SAMD5: variants seen among roughly 807,000 people sequenced by gnomAD.
SAMD5 encodes the protein sterile alpha motif domain containing 5.
In SAMD5, 13 loss-of-function variants were observed where a neutral mutation model predicts 11.3. That is an observed-to-expected ratio of 1.15 (90% confidence interval 0.75 to 1.83). The LOEUF is 1.83. Among genes scored for constraint, SAMD5 ranks in the 40% most tolerant of loss-of-function variants. The pLI is 0.00. For synonymous variants in SAMD5, 129 were observed against 111.3 expected (o/e 1.16, Z -1.00); for missense variants, 255 against 239.1 (o/e 1.07, Z -0.44).
At chr6:147,892,153 T>C in the SAMD5 span, among the ~76,000 whole-genome samples, 1 of 152,190 alleles carries the variant, frequency 6.6e-6, no homozygotes, top group African/African-American at 2.4e-5. Flanking sequence ...TCTTGCCTCC[T>C]TGTTTCCTTC....
At chr6:147,728,310 C>T (rs555680144) in intron 1 of SAMD5, among the ~76,000 whole-genome samples, 3 of 152,204 alleles carry the variant, frequency 2.0e-5, no homozygotes, top group East Asian at 1.9e-4. Flanking sequence ...CCCAGCTCTT[C>T]GGGAGGCTGA....
intron 1 of SAMD5, among the ~76,000 whole-genome samples, chr6:147,689,403 A>G (rs772252684): frequency 2.0e-5 from 3 of 149,694 alleles, no homozygotes; most frequent in Non-Finnish European, 3.0e-5. Context: ...ACCTTGGAAA[A>G]TCTAATGAAT....
chr6:147,761,896 A>G, the SAMD5 span, among the ~76,000 whole-genome samples: 1 of 151,994 alleles, frequency 6.6e-6, no homozygotes, highest in Non-Finnish European at 1.5e-5. Context: ...TATTTTTTGT[A>G]GAGATGGGGT....
the SAMD5 span, among the ~76,000 whole-genome samples, chr6:147,828,078 G>A: frequency 4.6e-5 from 7 of 152,008 alleles, no homozygotes; most frequent in Admixed American, 1.3e-4. Flanking sequence ...GAGCCACCGC[G>A]CCAGGCCCAA....
At chr6:147,693,139 T>TGAGAGC (rs1229798650) in intron 1 of SAMD5, among the ~76,000 whole-genome samples, 78 of 152,278 alleles carry the variant, frequency 5.1e-4, no homozygotes, top group African/African-American at 1.9e-3. Context: ...TCTGCCCCTA[T>TGAGAGC]GAGAGCACGA....
chr6:147,903,934 G>T, the SAMD5 span, among the ~76,000 whole-genome samples: 1 of 151,590 alleles, frequency 6.6e-6, no homozygotes, highest in Admixed American at 6.6e-5. Flanking sequence ...AATCTTCTAA[G>T]ATCACTTAAT....
chr6:147,690,218 G>C (rs1044408429), intron 1 of SAMD5, among the ~76,000 whole-genome samples: 2 of 152,126 alleles, frequency 1.3e-5, no homozygotes, highest in African/African-American at 4.8e-5. Flanking sequence ...ATACAAACCA[G>C]TAACTATATT....
intron 1 of SAMD5, among the ~76,000 whole-genome samples, chr6:147,716,633 G>T (rs1270089480): frequency 6.6e-6 from 1 of 152,200 alleles, no homozygotes; most frequent in Non-Finnish European, 1.5e-5. Context: ...TCCGGCTCCT[G>T]TCGGCTCTGT....
chr6:147,754,857 A>C, the SAMD5 span, among the ~76,000 whole-genome samples: 1 of 152,034 alleles, frequency 6.6e-6, no homozygotes, highest in East Asian at 1.9e-4. Flanking sequence ...CTTTATAAAA[A>C]ATGAGTTTAC....
At chr6:147,908,370 G>C in the SAMD5 span, among the ~76,000 whole-genome samples, 1 of 152,136 alleles carries the variant, frequency 6.6e-6, no homozygotes, top group Non-Finnish European at 1.5e-5. Flanking sequence ...AGGGCCTGTG[G>C]ACATCTCATG....
chr6:147,653,590 A>G (rs1191744099), intron 1 of SAMD5, among the ~76,000 whole-genome samples: 2 of 152,344 alleles, frequency 1.3e-5, no homozygotes, highest in Middle Eastern at 3.4e-3. Context: ...AATGGATTCT[A>G]TGGAATTATT....
At chr6:147,915,885 A>G in the SAMD5 span, among the ~76,000 whole-genome samples, 2 of 149,080 alleles carry the variant, frequency 1.3e-5, no homozygotes, top group Non-Finnish European at 3.0e-5. Context: ...ATATCTCCTA[A>G]TGCTATCCCT....
At chr6:147,872,659 T>C in the SAMD5 span, among the ~76,000 whole-genome samples, 1 of 152,188 alleles carries the variant, frequency 6.6e-6, no homozygotes. Flanking sequence ...TGAGTATTCA[T>C]GGGGACTGAC....
At chr6:147,694,325 T>A (rs947876044) in intron 1 of SAMD5, among the ~76,000 whole-genome samples, 2 of 152,312 alleles carry the variant, frequency 1.3e-5, no homozygotes, top group East Asian at 3.9e-4. Context: ...ACAAAAATCT[T>A]TCAAGTGATT....
intron 1 of SAMD5, among the ~76,000 whole-genome samples, chr6:147,655,436 T>C (rs189443887): frequency 1.2e-3 from 187 of 152,318 alleles, no homozygotes; most frequent in African/African-American, 4.0e-3. Flanking sequence ...TTTATGCATG[T>C]ATATCCACGT....
At chr6:147,671,715 G>C (rs901935107) in intron 1 of SAMD5, among the ~76,000 whole-genome samples, 3 of 151,892 alleles carry the variant, frequency 2.0e-5, no homozygotes, top group Non-Finnish European at 4.4e-5. Flanking sequence ...AAAAATTTTG[G>C]ATCTTTTTAT....
chr6:147,907,264 T>C, the SAMD5 span, among the ~76,000 whole-genome samples: 1 of 152,196 alleles, frequency 6.6e-6, no homozygotes, highest in South Asian at 2.1e-4. Context: ...CCCAGCACTT[T>C]GGGAGGCATA....
At chr6:147,726,148 T>C (rs762741320) in intron 1 of SAMD5, among the ~76,000 whole-genome samples, 13 of 152,208 alleles carry the variant, frequency 8.5e-5, no homozygotes, top group Admixed American at 5.2e-4. Context: ...AAAGAGAATT[T>C]GGTTTCTGCT....
intron 1 of SAMD5, among the ~76,000 whole-genome samples, chr6:147,549,841 C>A (rs1392317425): frequency 2.6e-5 from 4 of 151,856 alleles, no homozygotes; most frequent in Non-Finnish European, 5.9e-5. Flanking sequence ...TAGTAACTTG[C>A]AGAACACAAA....
Sources: gnomAD v4.1 joint callset for allele counts (sites outside exome capture counted in the v4.1 genomes callset) on GRCh38, gnomAD v4.1.1 for gene constraint, MANE v1.5 for transcripts, NCBI Gene and HGNC (gene_info 2026-07-23, HGNC 2026-07-21) for gene names.